The following GLG1 variants were observed in gnomAD, a reference collection of about 807,000 sequenced individuals.
GLG1 encodes Golgi apparatus protein 1.
GLG1 carries 38 observed loss-of-function variants against 160.5 expected under a neutral mutation model. The ratio of observed to expected loss-of-function variants is 0.24; its 90% CI spans 0.18 to 0.31. The LOEUF is 0.31. Ranked by LOEUF, GLG1 falls within the 10% of genes least tolerant of loss-of-function variation. The pLI, the probability that GLG1 is intolerant of heterozygous loss-of-function variation, is 1.00. For missense variants in GLG1, 1,373 were observed against 1,505.2 expected, an observed-to-expected ratio of 0.91 and a Z score of 1.45; for synonymous variants, 644 against 543.4, an observed-to-expected ratio of 1.19 and a Z score of -2.57.
At chr16:74,557,474 C>G (rs2143722871) in intron 1 of GLG1, among the ~76,000 whole-genome samples, 1 of 152,228 alleles carries the variant, frequency 6.6e-6, no homozygotes, top group South Asian at 2.1e-4. Flanking sequence ...GACCACTTAG[C>G]CCAAGAGTGT....
At chr16:74,572,684 G>A (rs1006597542) in intron 1 of GLG1, among the ~76,000 whole-genome samples, 2 of 152,116 alleles carry the variant, frequency 1.3e-5, no homozygotes, top group African/African-American at 4.8e-5. Context: ...CCAACTGGCT[G>A]TTCATCTGTG....
chr16:74,528,239 G>C (rs1458538674), intron 2 of GLG1, among the ~76,000 whole-genome samples: 1 of 151,910 alleles, frequency 6.6e-6, no homozygotes, highest in Non-Finnish European at 1.5e-5. Context: ...AGCCTCAAGC[G>C]ATCTGCCTGC....
intron 8 of GLG1, among the ~76,000 whole-genome samples, chr16:74,488,345 C>T (rs1429078049): frequency 1.3e-5 from 2 of 152,110 alleles, no homozygotes; most frequent in African/African-American, 4.8e-5. Context: ...AGTTTGAGAA[C>T]AGCCTGGGCA....
rs904309250 is a variant in GLG1, at chr16:74,552,275, A to G, written c.439-20122T>C. 4.2e-5 allele frequency: 24 copies of G among 575,470 alleles called. 2 individuals carry two copies. Among genetic ancestry groups the G allele is most frequent in the Admixed American group, 3.5e-4 (16 of 45,702 alleles). 35.6% of individuals were successfully genotyped at this position (575,470 alleles called of 1,614,324 possible). A position where few individuals can be genotyped will look rare whatever the true frequency, so the allele number is the denominator to read the frequency against. On this transcript the variant is annotated intron_variant, in intron 1 of 25. Coordinates refer to ENST00000422840, the MANE Select transcript of GLG1 (RefSeq NM_001145667.2). ...GATGCTGATGCCTAAGAAGAACGGG[A>G]TTGCCATCTATGAACTCCTTTTTAA...
At chr16:74,519,474 A>C (rs980934367) in intron 2 of GLG1, among the ~76,000 whole-genome samples, 1 of 152,126 alleles carries the variant, frequency 6.6e-6, no homozygotes. Context: ...CCCATAACTT[A>C]AAGTATAATA....
intron 7 of GLG1, among the ~76,000 whole-genome samples, chr16:74,492,149 G>GCTAA (rs2016020856): frequency 6.6e-6 from 1 of 150,720 alleles, no homozygotes. Flanking sequence ...CACTTTGGGA[G>GCTAA]GCCGAGGCAG....
At chr16:74,505,894 G>A (rs1283278344) in intron 3 of GLG1, among the ~76,000 whole-genome samples, 3 of 151,834 alleles carry the variant, frequency 2.0e-5, no homozygotes, top group Admixed American at 6.6e-5. Flanking sequence ...GCTGAGTGTG[G>A]TGCCACGCAT....
At chr16:74,486,551 C>G (rs974721221) in intron 8 of GLG1, among the ~76,000 whole-genome samples, 2 of 152,178 alleles carry the variant, frequency 1.3e-5, no homozygotes, top group African/African-American at 4.8e-5. Flanking sequence ...TGTCATTATG[C>G]AGCTGGAAAT....
At chr16:74,510,904 G>A (rs1443451648) in intron 2 of GLG1, among the ~76,000 whole-genome samples, 1 of 152,140 alleles carries the variant, frequency 6.6e-6, no homozygotes. Context: ...AGTTTGGTCA[G>A]GGAAGATTTA....
At chr16:74,568,184 G>A (rs972728754) in intron 1 of GLG1, among the ~76,000 whole-genome samples, 4 of 152,226 alleles carry the variant, frequency 2.6e-5, no homozygotes, top group Non-Finnish European at 4.4e-5. Flanking sequence ...GGTAAGAGAA[G>A]TCAGTCCTGC....
chr16:74,515,288 G>C (rs927605577), intron 2 of GLG1, among the ~76,000 whole-genome samples: 9 of 151,876 alleles, frequency 5.9e-5, no homozygotes, highest in African/African-American at 2.2e-4. Flanking sequence ...GCTCTGGAGC[G>C]GGCAGACCTA....
chr16:74,549,132 A>G (rs887921182), intron 1 of GLG1, among the ~76,000 whole-genome samples: 25 of 152,356 alleles, frequency 1.6e-4, no homozygotes, highest in Middle Eastern at 3.4e-3. Flanking sequence ...GGATCAGGCA[A>G]TAACACTAAT....
chr16:74,453,320 A>G lies in GLG1; in HGVS notation c.3387T>C (p.Asp1129=), dbSNP rs1339637354. The G allele has an allele frequency of 6.2e-7, 1 of 1,612,744 alleles. No individual in the cohort carries two copies. The highest frequency in any genetic ancestry group is 8.5e-7 in the Non-Finnish European group (1 of 1,178,740). The change falls in exon 26 of 26, where the codon GAT becomes GAC. Residue 1129 remains aspartate, a synonymous_variant. Coordinates refer to ENST00000422840, the MANE Select transcript of GLG1 (RefSeq NM_001145667.2). ...CTTGCATGGCAAGATCAGAGAAGCC[A>G]TCTGCTGGGGCCACCTAGAATGACA... ...WSYAAKVAPA[D]GFSDLAMQVM...
In GLG1 at chr16:74,459,873, T is replaced by C. The variant is rs948486881; in HGVS notation, c.3037-84A>G. The C allele has an allele frequency of 9.3e-5, 66 of 706,658 alleles. No individual in the cohort carries two copies. The East Asian group carries it at 1.9e-3, about 20-fold the overall frequency. The allele number at this position is 706,658 out of a possible 1,614,324, so 43.8% of individuals were successfully genotyped here. ...TTTCTTCTTTTTTTTTTTTATTTTT[T>C]GAAACAGAGCCAAGCTCTGTCACCC... On this transcript the variant is annotated intron_variant, in intron 22 of 25. Coordinates refer to ENST00000422840, the MANE Select transcript of GLG1 (RefSeq NM_001145667.2).
In GLG1 at chr16:74,606,870, TTGCTGCTGAAGCTGC is replaced by T; in HGVS notation, c.210_224del (p.Leu72_Gln76del). 6.2e-7 allele frequency: 1 copy of T among 1,600,308 alleles called. No homozygotes were observed. Among genetic ancestry groups the T allele is most frequent in the Non-Finnish European group, 8.5e-7 (1 of 1,174,666 alleles). On this transcript the variant is annotated inframe_deletion, in exon 1 of 26. Transcript: ENST00000422840. Reference sequence around the variant, plus strand: ...GCTGTTGCTGTTGCTGCTGCTGCTGTTGCTGCTGAAGCTGCGATGACTGAGGCAGCTGGGGCAGCT... The same window carrying T: ...GCTGTTGCTGTTGCTGCTGCTGCTGTGATGACTGAGGCAGCTGGGGCAGCT...
intron 1 of GLG1, among the ~76,000 whole-genome samples, chr16:74,534,814 C>T (rs990377840): frequency 6.6e-6 from 1 of 152,234 alleles, no homozygotes; most frequent in African/African-American, 2.4e-5. Flanking sequence ...CTGCAGTCCA[C>T]ATTTGCAGTT....
intron 1 of GLG1, among the ~76,000 whole-genome samples, chr16:74,587,234 G>T (rs1307465467): frequency 6.6e-6 from 1 of 152,166 alleles, no homozygotes; most frequent in Non-Finnish European, 1.5e-5. Context: ...GTGAGCCGAT[G>T]ATTACCTAGC....
intron 1 of GLG1, among the ~76,000 whole-genome samples, chr16:74,590,989 T>C (rs1214237347): frequency 6.6e-6 from 1 of 151,180 alleles, no homozygotes; most frequent in Non-Finnish European, 1.5e-5. Flanking sequence ...GAAAATGAAG[T>C]TGTGGATTTT....
Position 74,468,257 on chromosome 16 carries a change from G to T in GLG1, c.2437-409C>A, listed in dbSNP as rs1362194539. On this transcript the variant is annotated intron_variant, in intron 17 of 25. Coordinates refer to ENST00000422840, the MANE Select transcript of GLG1 (RefSeq NM_001145667.2). ...TTTTTTTTTTTTTTTTTTTTTTGGAGACAGAGTCTTGCTCTGTCACCCAGG... is the reference window on the plus strand; with the variant it reads ...TTTTTTTTTTTTTTTTTTTTTTGGATACAGAGTCTTGCTCTGTCACCCAGG... 5 of 86,664 alleles carry T rather than the reference G, an allele frequency of 5.8e-5. No individual in the cohort carries two copies. The East Asian group carries it at 1.0e-3, about 17-fold the overall frequency. 5.4% of individuals were successfully genotyped at this position (86,664 alleles called of 1,614,324 possible). A position where few individuals can be genotyped will look rare whatever the true frequency, so the allele number is the denominator to read the frequency against.
Sources: allele counts gnomAD v4.1 joint callset (sites outside exome capture counted in the v4.1 genomes callset), GRCh38; gene constraint gnomAD v4.1.1; transcripts MANE v1.5; gene names NCBI Gene and HGNC (gene_info 2026-07-23, HGNC 2026-07-21).